CCDC27: variants seen among roughly 807,000 people sequenced by gnomAD.
CCDC27 encodes the protein coiled-coil domain-containing protein 27.
CCDC27 carries 80 observed loss-of-function variants against 80.3 expected under a neutral mutation model. That is an observed-to-expected ratio of 1.00 (90% CI 0.83 to 1.20). The LOEUF (loss-of-function observed/expected upper bound fraction) is 1.20, where lower values mean the gene tolerates loss of function less well. CCDC27 is among the 50% of genes most tolerant of loss of function. The pLI is 0.00. For missense variants in CCDC27, 815 were observed against 809.4 expected, an observed-to-expected ratio of 1.01 and a Z score of -0.08; for synonymous variants, 342 against 334.3, an observed-to-expected ratio of 1.02 and a Z score of -0.25.
intron 4 of CCDC27, chr1:3,757,254 G>C (rs1642979984): frequency 6.3e-6 from 1 of 158,568 alleles, no homozygotes; most frequent in South Asian, 2.0e-4. Flanking sequence ...TCATTGTAGT[G>C]TTATTCTTTT....
In CCDC27 at chr1:3,752,537, G is replaced by A. The variant is rs535544341; in HGVS notation, c.56G>A (p.Arg19Gln). 9.9e-6 allele frequency: 16 copies of A among 1,614,112 alleles called. No homozygotes were observed. The highest frequency in any genetic ancestry group is 2.2e-5 in the East Asian group (1 of 44,878). ...TPQARLKRDP[R>Q]EKPGLSSFRS... ...CAAGCCAGGCTGAAGAGAGATCCAC[G>A]GGAAAAGCCGGGCCTGTCCTCATTC... Residue 19 changes from arginine to glutamine, a missense_variant, in exon 1 of 12, where the codon CGG (arginine) becomes CAG (glutamine). Physicochemically the swap from Arg to Gln is conservative, Grantham distance 43. Coordinates refer to ENST00000294600, the MANE Select transcript of CCDC27 (RefSeq NM_152492.3).
intron 1 of CCDC27, among the ~76,000 whole-genome samples, chr1:3,753,406 C>T (rs537453277): frequency 4.0e-5 from 6 of 150,724 alleles, no homozygotes; most frequent in Non-Finnish European, 4.4e-5. Context: ...TCACCGCAAC[C>T]TCCACCTCCT....
chr1:3,768,541 G>T lies in CCDC27; in HGVS notation c.1743+1096G>T, dbSNP rs1490811213. On this transcript the variant is annotated intron_variant, in intron 10 of 11. Transcript: ENST00000294600. This position sits in a 1 kb window ranked among gnomAD's most constrained non-coding sequence, Gnocchi z 5.6. Reference sequence around the variant, plus strand: ...AGTCCACCTCCTTCCGGCTGGGTCAGACTGAGGCACCCACCCCTGGTATCC... The same window carrying T: ...AGTCCACCTCCTTCCGGCTGGGTCATACTGAGGCACCCACCCCTGGTATCC... Among the ~76,000 whole-genome samples the T allele has an allele frequency of 6.6e-6, 1 of 152,156 alleles. No homozygotes were observed. Among genetic ancestry groups the T allele is most frequent in the African/African-American group, 2.4e-5 (1 of 41,424 alleles).
Position 3,761,456 on chromosome 1 carries a change from C to T in CCDC27, c.861+26C>T, listed in dbSNP as rs377329678. Reference sequence around the variant, plus strand: ...GTGAGCCAGCCCCAGCGGGGCACAGCGCAGAGCTCTAAGACGGTTGTTTTC... The same window carrying T: ...GTGAGCCAGCCCCAGCGGGGCACAGTGCAGAGCTCTAAGACGGTTGTTTTC... On this transcript the variant is annotated intron_variant, in intron 5 of 11. Transcript: ENST00000294600. The surrounding 1 kb of genome is among the most constrained non-coding windows in gnomAD (Gnocchi z 5.0). 1.2e-3 allele frequency: 1,899 copies of T among 1,610,440 alleles called. 27 individuals are homozygous for T. The South Asian group carries it at 0.019, about 16-fold the overall frequency.
At chr1:3,755,592 C>T (rs4648555) in intron 3 of CCDC27, 25 bp downstream of exon 3, 16 of 1,581,298 alleles carry the variant, frequency 1.0e-5, no homozygotes, top group Non-Finnish European at 1.3e-5. Context: ...AGGGCCTCTG[C>T]CTGCACCTGC....
chr1:3,761,632 G>GAGAGC lies in CCDC27; in HGVS notation c.861+203_861+207dup, dbSNP rs1643088874. Among the ~76,000 whole-genome samples, 1 of 150,764 alleles carries GAGAGC rather than the reference G, an allele frequency of 6.6e-6. No homozygotes were observed. The highest frequency in any genetic ancestry group is 2.1e-4 in the South Asian group (1 of 4,760). ...CGAACAGAGGCACGAAATGACAAAT[G>GAGAGC]AGAGCCATGAGCTGATGCAACAGGG... On this transcript the variant is annotated intron_variant, in intron 5 of 11. Transcript: ENST00000294600. The surrounding 1 kb of genome is among the most constrained non-coding windows in gnomAD (Gnocchi z 5.0).
Position 3,760,268 on chromosome 1 carries a change from T to C in CCDC27, c.712-1013T>C, listed in dbSNP as rs1216622038. 1.3e-5 allele frequency among the ~76,000 whole-genome samples: 2 copies of C among 152,204 alleles called. No individual in the cohort carries two copies. The highest frequency in any genetic ancestry group is 1.3e-4 in the Admixed American group (2 of 15,278). On this transcript the variant is annotated intron_variant, in intron 4 of 11. Coordinates refer to ENST00000294600, the MANE Select transcript of CCDC27 (RefSeq NM_152492.3). This position sits in a 1 kb window ranked among gnomAD's most constrained non-coding sequence, Gnocchi z 4.3. ...AGAATCCATACTACAAAGATTCCCATGTACTTTTCCATTCCCCAAATGTTA... is the reference window on the plus strand; with the variant it reads ...AGAATCCATACTACAAAGATTCCCACGTACTTTTCCATTCCCCAAATGTTA...
At position 3,763,194 on chromosome 1, in the gene CCDC27, C is replaced by A. The variant is rs139606578; in HGVS notation, c.1041C>A (p.Pro347=). 6.6e-7 allele frequency: 1 copy of A among 1,517,656 alleles called. No individual in the cohort carries two copies. Among genetic ancestry groups the A allele is most frequent in the East Asian group, 2.4e-5 (1 of 41,628 alleles). The allele number at this position is 1,517,656 out of a possible 1,614,324, so 94.0% of individuals were successfully genotyped here. ...GEEDEGLEGE[P]DGVEDTGAWG... ...AGGACGAGGGCCTGGAAGGGGAGCC[C>A]GATGGGGTGGAGGACACGGGTGCCT... The change falls in exon 7 of 12, where the codon CCC becomes CCA. Residue 347 remains proline (P), a synonymous_variant. Coordinates refer to ENST00000294600, the MANE Select transcript of CCDC27 (RefSeq NM_152492.3). The surrounding 1 kb of genome is among the most constrained non-coding windows in gnomAD (Gnocchi z 7.5).
intron 5 of CCDC27, among the ~76,000 whole-genome samples, chr1:3,762,103 C>T (rs1643101337): frequency 6.6e-6 from 1 of 152,146 alleles, no homozygotes; most frequent in Non-Finnish European, 1.5e-5. Context: ...CCTAAGATTT[C>T]TTTCACACCT....
rs541426471 is a variant in CCDC27 at position 3,752,563 on chromosome 1, A to G, written c.82A>G (p.Arg28Gly). The G allele has an allele frequency of 1.9e-5, 30 of 1,614,202 alleles. No homozygotes were observed. ...GGAAAAGCCGGGCCTGTCCTCATTC[A>G]GGTCCACATTCAGGCAACAAAGCTC... The part of the protein sequence containing the change: ...PREKPGLSSF[R>G]STFRQQSSLG... Residue 28 changes from arginine to glycine, a missense_variant, in exon 1 of 12, where the codon AGG (arginine) becomes GGG (glycine). By Grantham distance (125) the Arg-to-Gly change is moderately radical. Coordinates refer to ENST00000294600, the MANE Select transcript of CCDC27 (RefSeq NM_152492.3).
chr1:3,761,764 A>G lies in CCDC27; in HGVS notation c.861+334A>G, dbSNP rs941245900. Among the ~76,000 whole-genome samples, 4 of 152,202 alleles carry G rather than the reference A, an allele frequency of 2.6e-5. No homozygotes were observed. Among genetic ancestry groups the G allele is most frequent in the Non-Finnish European group, 4.4e-5 (3 of 68,036 alleles). On this transcript the variant is annotated intron_variant, in intron 5 of 11. Coordinates refer to ENST00000294600, the MANE Select transcript of CCDC27 (RefSeq NM_152492.3). The surrounding 1 kb of genome is among the most constrained non-coding windows in gnomAD (Gnocchi z 5.0). ...TGCTTTCTGAATGGGGCAAGGCACA[A>G]CGCTGTCGGGGCTCAGGGTCCTTAT...
Position 3,755,521 on chromosome 1 carries a change from C to T in CCDC27, c.507C>T (p.Thr169=), listed in dbSNP as rs756274642. ...ACAGCTCGGAGACCTGGAGAGGCAC[C>T]CAGGACCTGTTCTTGGCCAGGCGGG... ...IDNSSETWRG[T]QDLFLARRGS... Residue 169 remains threonine, a synonymous_variant, in exon 3 of 12, where the codon ACC becomes ACT. Transcript: ENST00000294600. The T allele has an allele frequency of 6.2e-7, 1 of 1,614,142 alleles. No individual in the cohort carries two copies. Among genetic ancestry groups the T allele is most frequent in the Non-Finnish European group, 8.5e-7 (1 of 1,180,026 alleles).
rs1429418569 is a variant in CCDC27, at chr1:3,769,151, G to C, written c.1744-632G>C. On this transcript the variant is annotated intron_variant, in intron 10 of 11. Transcript: ENST00000294600. This position sits in a 1 kb window ranked among gnomAD's most constrained non-coding sequence, Gnocchi z 4.6. ...AGGCTCCTGGGGTGCAGATTGGAGGGGTTTCCTCTGCAGCTTCCTGGGAGG... is the reference window on the plus strand; with the variant it reads ...AGGCTCCTGGGGTGCAGATTGGAGGCGTTTCCTCTGCAGCTTCCTGGGAGG... Among the ~76,000 whole-genome samples, 1 of 152,142 alleles carries C rather than the reference G, an allele frequency of 6.6e-6. No homozygotes were observed. Among genetic ancestry groups the C allele is most frequent in the Non-Finnish European group, 1.5e-5 (1 of 68,028 alleles).
intron 2 of CCDC27, among the ~76,000 whole-genome samples, chr1:3,754,474 A>C (rs1642905672): frequency 6.6e-6 from 1 of 152,208 alleles, no homozygotes; most frequent in Admixed American, 6.5e-5. Flanking sequence ...TTGTCTCCCC[A>C]GCCTTCTTGC....
rs577041567 is a variant in CCDC27, at chr1:3,760,138, C to T, written c.712-1143C>T. Among the ~76,000 whole-genome samples the T allele has an allele frequency of 2.6e-5, 4 of 152,318 alleles. No homozygotes were observed. Among genetic ancestry groups the T allele is most frequent in the South Asian group, 2.1e-4 (1 of 4,824 alleles). On this transcript the variant is annotated intron_variant, in intron 4 of 11. Transcript: ENST00000294600. The surrounding 1 kb of genome is among the most constrained non-coding windows in gnomAD (Gnocchi z 4.3). ...GATCTCCCTTCCAGCAGTCCTTGCA[C>T]TATTTTGAGACGTGCAAGTGTCTCG...
Position 3,761,829 on chromosome 1 carries a change from G to T in CCDC27, c.861+399G>T, listed in dbSNP as rs150877414. On this transcript the variant is annotated intron_variant, in intron 5 of 11. Transcript: ENST00000294600. This position sits in a 1 kb window ranked among gnomAD's most constrained non-coding sequence, Gnocchi z 5.0. ...CTGAGCTCACCTGTGAAATCCTGGGGCATGGAGGCCACCCTGCAGGCGGAT... is the reference window on the plus strand; with the variant it reads ...CTGAGCTCACCTGTGAAATCCTGGGTCATGGAGGCCACCCTGCAGGCGGAT... Among the ~76,000 whole-genome samples the T allele has an allele frequency of 3.9e-5, 6 of 152,296 alleles. No individual in the cohort carries two copies. The highest frequency in any genetic ancestry group is 8.8e-5 in the Non-Finnish European group (6 of 68,026).
chr1:3,754,031 G>A (rs1642889540), intron 1 of CCDC27, 87 bp from the exon 2 acceptor site: 10 of 1,552,334 alleles, frequency 6.4e-6, no homozygotes, highest in Non-Finnish European at 8.7e-6. Flanking sequence ...GATTTGTGAT[G>A]GTTTAGGGAA....
chr1:3,760,561 C>T lies in CCDC27; in HGVS notation c.712-720C>T, dbSNP rs933422899. ...TGCGTCCCACGAGCTTTGATGTGTC[C>T]GGATGTTCATTATCAGTTTAAAATG... On this transcript the variant is annotated intron_variant, in intron 4 of 11. Transcript: ENST00000294600. The surrounding 1 kb of genome is among the most constrained non-coding windows in gnomAD (Gnocchi z 4.3). Among the ~76,000 whole-genome samples, 4 of 152,118 alleles carry T rather than the reference C, an allele frequency of 2.6e-5. No individual in the cohort carries two copies. The highest frequency in any genetic ancestry group is 9.7e-5 in the African/African-American group (4 of 41,410).
chr1:3,765,234 T>G (rs1042088357), intron 8 of CCDC27, among the ~76,000 whole-genome samples: 1 of 152,220 alleles, frequency 6.6e-6, no homozygotes, highest in Non-Finnish European at 1.5e-5. Flanking sequence ...TCGTTCATGG[T>G]TCCTTCTGGG....
Sources: gnomAD v4.1 joint callset for allele counts (sites outside exome capture counted in the v4.1 genomes callset) on GRCh38, gnomAD v4.1.1 for gene constraint, Gnocchi (gnomAD v3.1) non-coding constraint, MANE v1.5 for transcripts, NCBI Gene and HGNC (gene_info 2026-07-23, HGNC 2026-07-21) for gene names.